Variants in BMPR1A observed in about 807,000 individuals in gnomAD.
BMPR1A encodes bone morphogenetic protein receptor type 1A.
In BMPR1A, 7 loss-of-function variants were observed where a neutral mutation model predicts 66.0. The observed-to-expected ratio is 0.11, with a 90% CI of 0.06 to 0.20. The LOEUF (loss-of-function observed/expected upper bound fraction) is 0.20, where lower values mean the gene tolerates loss of function less well. Among genes scored for constraint, BMPR1A ranks in the 10% least tolerant of loss-of-function variants. The pLI is 1.00. For missense variants in BMPR1A, 408 were observed against 669.1 expected (o/e 0.61, Z 4.31); for synonymous variants, 200 against 229.7 (o/e 0.87, Z 1.17).
intron 1 of BMPR1A, among the ~76,000 whole-genome samples, chr10:86,817,361 G>C (rs534049331): frequency 1.3e-4 from 20 of 152,164 alleles, no homozygotes; most frequent in African/African-American, 4.8e-4. Flanking sequence ...CTTTTTGGTG[G>C]CTGGCTTATT....
At chr10:86,912,056 T>TG (rs1843497745) in intron 7 of BMPR1A, among the ~76,000 whole-genome samples, 184 bp from the exon 8 acceptor site, 1 of 152,132 alleles carries the variant, frequency 6.6e-6, no homozygotes, top group African/African-American at 2.4e-5. Context: ...TGTTTTAACA[T>TG]GATACATAGA....
At chr10:86,799,349 T>G (rs1017721335) in intron 1 of BMPR1A, among the ~76,000 whole-genome samples, 3 of 152,206 alleles carry the variant, frequency 2.0e-5, no homozygotes, top group African/African-American at 7.2e-5. Context: ...TAGGCTTTCG[T>G]GAAAACTAGA....
At chr10:86,795,872 A>G (rs2132822708) in intron 1 of BMPR1A, among the ~76,000 whole-genome samples, 1 of 152,320 alleles carries the variant, frequency 6.6e-6, no homozygotes, top group South Asian at 2.1e-4. Context: ...ATGCAGTTAA[A>G]CATCAATTTA....
intron 10 of BMPR1A, among the ~76,000 whole-genome samples, chr10:86,921,172 A>G (rs1843657967): frequency 6.6e-6 from 1 of 151,994 alleles, no homozygotes; most frequent in African/African-American, 2.4e-5. Flanking sequence ...TCTTATATTC[A>G]GTGTTGTCCT....
chr10:86,875,722 A>G, intron 2 of BMPR1A, 145 bp from the exon 3 acceptor site: 1 of 452,722 alleles, frequency 2.2e-6, no homozygotes, highest in South Asian at 2.8e-5. Context: ...AGTGCCTAAA[A>G]AAAAAAAAGC....
At chr10:86,895,036 G>A (rs1389906837) in intron 5 of BMPR1A, among the ~76,000 whole-genome samples, 5 of 152,106 alleles carry the variant, frequency 3.3e-5, no homozygotes. Context: ...GAAGGCCTGA[G>A]GTGTAAAACT....
In BMPR1A at chr10:86,802,076, G is replaced by A. The variant is rs543723621; in HGVS notation, c.-267-36789G>A. ...CATTCCTCAGGCCATTTTTGTCTGC[G>A]TCGTTGAGGGCCTCCATTGTCCAGC... On this transcript the variant is annotated intron_variant, in intron 1 of 12. Transcript: ENST00000372037. 9.2e-5 allele frequency among the ~76,000 whole-genome samples: 14 copies of A among 152,136 alleles called. No individual in the cohort carries two copies. In the South Asian group the frequency reaches 1.2e-3, roughly 14 times the overall value.
intron 1 of BMPR1A, among the ~76,000 whole-genome samples, chr10:86,829,422 T>C (rs943583483): frequency 6.6e-6 from 1 of 152,212 alleles, no homozygotes; most frequent in African/African-American, 2.4e-5. Context: ...TTTCCCTTAA[T>C]GGTAACTTCT....
At chr10:86,853,751 G>A (rs1030881263) in intron 2 of BMPR1A, among the ~76,000 whole-genome samples, 2 of 152,156 alleles carry the variant, frequency 1.3e-5, no homozygotes, top group Non-Finnish European at 2.9e-5. Flanking sequence ...TTTCAAAAGG[G>A]GAGGGAGTGT....
chr10:86,805,921 T>G (rs1366446127), intron 1 of BMPR1A, among the ~76,000 whole-genome samples: 1 of 150,490 alleles, frequency 6.6e-6, no homozygotes, highest in African/African-American at 2.5e-5. Context: ...TTTAAAGCAT[T>G]TTTCCCTTCC....
intron 1 of BMPR1A, among the ~76,000 whole-genome samples, chr10:86,810,706 C>G: frequency 6.6e-6 from 1 of 152,140 alleles, no homozygotes; most frequent in South Asian, 2.1e-4. Flanking sequence ...TGCATATGTT[C>G]TTTGGAGAAC....
rs113012039 is a variant in BMPR1A, at chr10:86,761,528, T to G, written c.-268+4609T>G. Among the ~76,000 whole-genome samples, 1,354 of 152,346 alleles carry G rather than the reference T, an allele frequency of 8.9e-3. 10 individuals carry two copies. The highest frequency in any genetic ancestry group is 0.014 in the Non-Finnish European group (926 of 68,028). On this transcript the variant is annotated intron_variant, in intron 1 of 12. Transcript: ENST00000372037. ...TTTGAAGAAAGGAAGACTGAAGATG[T>G]TCAAACTTGTAGGAAGGTCTTTCTG...
At position 86,891,719 on chromosome 10, in the gene BMPR1A, A is replaced by G. The variant is rs561632742; in HGVS notation, c.231-408A>G. 7.2e-5 allele frequency among the ~76,000 whole-genome samples: 11 copies of G among 152,278 alleles called. No homozygotes were observed. In the South Asian group the frequency reaches 1.4e-3, roughly 20 times the overall value. ...TTCAGAGAAAAGTTTGTTTTTATCT[A>G]TTATCATATACAATATGGAAGTACT... On this transcript the variant is annotated intron_variant, in intron 4 of 12. Transcript: ENST00000372037.
chr10:86,757,144 C>T lies in BMPR1A; in HGVS notation c.-268+225C>T, dbSNP rs79181991. Among the ~76,000 whole-genome samples the T allele has an allele frequency of 4.1e-3, 623 of 152,136 alleles. 3 individuals carry two copies. Among genetic ancestry groups the T allele is most frequent in the African/African-American group, 0.014 (588 of 41,552 alleles). Reference sequence around the variant, plus strand: ...CGTCCCCCGCCGGCCCCTCTTTTGTCTCCCACTCGCGGGTTGCAGGCCGAG... The same window carrying T: ...CGTCCCCCGCCGGCCCCTCTTTTGTTTCCCACTCGCGGGTTGCAGGCCGAG... On this transcript the variant is annotated intron_variant, in intron 1 of 12. Transcript: ENST00000372037.
At chr10:86,903,956 T>G (rs1207242132) in intron 7 of BMPR1A, among the ~76,000 whole-genome samples, 1 of 152,142 alleles carries the variant, frequency 6.6e-6, no homozygotes, top group Non-Finnish European at 1.5e-5. Flanking sequence ...CAGGCTGGAG[T>G]GCAGTGGTGC....
intron 2 of BMPR1A, among the ~76,000 whole-genome samples, chr10:86,853,308 A>AAC (rs935998124): frequency 6.6e-6 from 1 of 152,004 alleles, no homozygotes; most frequent in Non-Finnish European, 1.5e-5. Flanking sequence ...GAAAAAAAAA[A>AAC]ACAGGCCTCT....
chr10:86,856,361 G>A (rs774448390), intron 2 of BMPR1A: 1 of 365,688 alleles, frequency 2.7e-6, no homozygotes, highest in Non-Finnish European at 5.3e-6. Context: ...AGTAGTCTGC[G>A]GGTCTGGACC....
chr10:86,924,675 T>G lies in BMPR1A; in HGVS notation c.*956T>G, dbSNP rs184126826. 8.6e-6 allele frequency: 2 copies of G among 233,160 alleles called. No homozygotes were observed. The highest frequency in any genetic ancestry group is 4.4e-5 in the African/African-American group (2 of 45,482). The allele number at this position is 233,160 out of a possible 1,614,324, so 14.4% of individuals were successfully genotyped here. On this transcript the variant is annotated 3_prime_UTR_variant, in exon 13 of 13. Transcript: ENST00000372037. ...CTATAACCATGTTCTATATTCTTTA[T>G]TCTCAGTAACTTTTAAAAGGGAAGT...
At chr10:86,923,147 G>A (rs1411404759) in intron 11 of BMPR1A, among the ~76,000 whole-genome samples, 4 of 141,136 alleles carry the variant, frequency 2.8e-5, no homozygotes, top group South Asian at 2.1e-4. Context: ...GCCCTTTGTC[G>A]ATGGACTCTA....
Sources: gnomAD v4.1 joint callset for allele counts (sites outside exome capture counted in the v4.1 genomes callset) on GRCh38, gnomAD v4.1.1 for gene constraint, MANE v1.5 for transcripts, NCBI Gene and HGNC (gene_info 2026-07-23, HGNC 2026-07-21) for gene names.